The following SLC44A5 variants were observed in gnomAD, a reference collection of about 807,000 sequenced individuals.
The protein encoded by SLC44A5 is solute carrier family 44 member 5, also known as choline transporter-like protein 5.
A neutral mutation model predicts 101.8 loss-of-function variants in SLC44A5; 57 were observed. The ratio of observed to expected loss-of-function variants is 0.56; its 90% CI spans 0.45 to 0.70. SLC44A5 has a LOEUF of 0.70. Ranked by LOEUF, SLC44A5 falls within the 30% of genes least tolerant of loss-of-function variation. The pLI, the probability that SLC44A5 is intolerant of heterozygous loss-of-function variation, is 0.00. For missense variants in SLC44A5, 737 were observed against 853.1 expected, an observed-to-expected ratio of 0.86 and a Z score of 1.70; for synonymous variants, 281 against 290.9, an observed-to-expected ratio of 0.97 and a Z score of 0.35.
At chr1:75,591,449 T>C (rs2102110297) in intron 1 of SLC44A5, among the ~76,000 whole-genome samples, 1 of 152,338 alleles carries the variant, frequency 6.6e-6, no homozygotes, top group Non-Finnish European at 1.5e-5. Context: ...CTGTTGGATT[T>C]GATTACCTAG....
At chr1:75,490,288 A>G (rs899691526) in intron 2 of SLC44A5, among the ~76,000 whole-genome samples, 3 of 152,138 alleles carry the variant, frequency 2.0e-5, no homozygotes, top group Non-Finnish European at 4.4e-5. Context: ...AGAATGCTAC[A>G]TTTAACCACT....
At chr1:75,577,097 G>C (rs1673414305) in intron 1 of SLC44A5, among the ~76,000 whole-genome samples, 1 of 151,982 alleles carries the variant, frequency 6.6e-6, no homozygotes, top group Non-Finnish European at 1.5e-5. Context: ...TATCCTGTTG[G>C]CTCTATCTTC....
chr1:75,439,283 C>T (rs541629465), intron 2 of SLC44A5, among the ~76,000 whole-genome samples: 3 of 152,182 alleles, frequency 2.0e-5, no homozygotes, highest in South Asian at 4.1e-4. Context: ...GGTTTCTCCA[C>T]CTTTGGAGCC....
intron 2 of SLC44A5, among the ~76,000 whole-genome samples, chr1:75,440,270 A>G (rs1665121970): frequency 1.3e-5 from 2 of 152,196 alleles, no homozygotes; most frequent in Admixed American, 6.6e-5. Flanking sequence ...TTGTGGTTTG[A>G]GAAGTTCTCA....
At chr1:75,555,368 A>G (rs1672162229) in intron 1 of SLC44A5, among the ~76,000 whole-genome samples, 1 of 152,068 alleles carries the variant, frequency 6.6e-6, no homozygotes, top group Non-Finnish European at 1.5e-5. Context: ...CTACAAATGT[A>G]TATGTTTCTC....
chr1:75,693,602 T>C, the SLC44A5 span, among the ~76,000 whole-genome samples: 1 of 152,072 alleles, frequency 6.6e-6, no homozygotes, highest in Non-Finnish European at 1.5e-5. Flanking sequence ...CGCAAGGCAG[T>C]ATTGTATTTT....
At chr1:75,204,386 T>C (rs1055663835) in intron 23 of SLC44A5, 3 of 152,194 alleles carry the variant, frequency 2.0e-5, no homozygotes, top group African/African-American at 7.2e-5. Context: ...ATTACACAAA[T>C]AAGTAGTAAA....
chr1:75,674,683 G>C, the SLC44A5 span, among the ~76,000 whole-genome samples: 3 of 151,800 alleles, frequency 2.0e-5, no homozygotes, highest in Non-Finnish European at 4.4e-5. Flanking sequence ...CACCCAGCCA[G>C]AAAAAATAAT....
chr1:75,594,420 C>T (rs2102122688), intron 1 of SLC44A5, among the ~76,000 whole-genome samples: 1 of 151,896 alleles, frequency 6.6e-6, no homozygotes, highest in Non-Finnish European at 1.5e-5. Context: ...ATTGAATTAC[C>T]CCATTTTGTA....
At chr1:75,573,617 G>A (rs1041664472) in intron 1 of SLC44A5, among the ~76,000 whole-genome samples, 4 of 152,006 alleles carry the variant, frequency 2.6e-5, no homozygotes, top group Admixed American at 1.3e-4. Flanking sequence ...GCTGGGTATC[G>A]TCCTGACTAC....
At chr1:75,456,915 A>T (rs530464408) in intron 2 of SLC44A5, among the ~76,000 whole-genome samples, 1 of 152,338 alleles carries the variant, frequency 6.6e-6, no homozygotes, top group Non-Finnish European at 1.5e-5. Flanking sequence ...TACCAAAAGA[A>T]AACTATCTAC....
At chr1:75,285,897 C>G (rs567489805) in intron 5 of SLC44A5, among the ~76,000 whole-genome samples, 1 of 152,092 alleles carries the variant, frequency 6.6e-6, no homozygotes, top group Admixed American at 6.6e-5. Flanking sequence ...ATCGTATGGT[C>G]TATCTTGGAG....
the SLC44A5 span, among the ~76,000 whole-genome samples, chr1:75,662,045 T>A: frequency 6.6e-6 from 1 of 152,064 alleles, no homozygotes; most frequent in African/African-American, 2.4e-5. Flanking sequence ...ACATCTGCAC[T>A]CTCATATTTA....
intron 3 of SLC44A5, among the ~76,000 whole-genome samples, chr1:75,374,840 A>G (rs1051988069): frequency 2.6e-5 from 4 of 152,206 alleles, no homozygotes; most frequent in Non-Finnish European, 5.9e-5. Context: ...AAACACAAAA[A>G]TTATTATAAA....
the SLC44A5 span, among the ~76,000 whole-genome samples, chr1:75,701,544 A>C: frequency 6.6e-6 from 1 of 152,160 alleles, no homozygotes; most frequent in South Asian, 2.1e-4. Flanking sequence ...ACCCACAGCC[A>C]ATATCATACT....
chr1:75,611,938 C>G (rs1462328759), upstream of SLC44A5, among the ~76,000 whole-genome samples: 1 of 151,924 alleles, frequency 6.6e-6, no homozygotes, highest in African/African-American at 2.4e-5. Flanking sequence ...CCTCAGAATC[C>G]CCCTCTACCA....
At chr1:75,358,937 C>G (rs561038382) in intron 3 of SLC44A5, among the ~76,000 whole-genome samples, 2 of 152,118 alleles carry the variant, frequency 1.3e-5, no homozygotes, top group African/African-American at 2.4e-5. Flanking sequence ...AAATCCTATT[C>G]TTCCTAAGTG....
intron 2 of SLC44A5, among the ~76,000 whole-genome samples, chr1:75,500,385 A>G (rs1166971709): frequency 6.6e-6 from 1 of 152,184 alleles, no homozygotes; most frequent in Non-Finnish European, 1.5e-5. Flanking sequence ...GCATTTGGTA[A>G]AACTATTGCC....
At chr1:75,643,995 A>G in the SLC44A5 span, among the ~76,000 whole-genome samples, 12 of 152,336 alleles carry the variant, frequency 7.9e-5, no homozygotes, top group African/African-American at 2.9e-4. Flanking sequence ...GGGCTAAAAC[A>G]CTTGTCTATG....
Sources: allele counts gnomAD v4.1 joint callset (sites outside exome capture counted in the v4.1 genomes callset), GRCh38; gene constraint gnomAD v4.1.1; transcripts MANE v1.5; gene names NCBI Gene and HGNC (gene_info 2026-07-23, HGNC 2026-07-21).